The following DEFB131A variants were observed in gnomAD, a reference collection of about 807,000 sequenced individuals.
DEFB131A encodes defensin beta 131A.
Under a neutral mutation model 2.4 loss-of-function variants are expected in DEFB131A, and 5 were observed. The observed-to-expected ratio is 2.12, with a 90% confidence interval of 1.11 to 4.47. The LOEUF (loss-of-function observed/expected upper bound fraction) is 4.47, where lower values mean the gene tolerates loss of function less well. Ranked by LOEUF, DEFB131A falls within the 30% of genes most tolerant of loss-of-function variation. The probability of loss-of-function intolerance (pLI) is 0.00; values close to 1 mark genes in which losing one functional copy is unlikely to be tolerated. For missense variants in DEFB131A, 120 were observed against 79.9 expected (o/e 1.50, Z -1.91); for synonymous variants, 34 against 25.7 (o/e 1.32, Z -0.97).
At chr4:9,447,275 G>T (rs1459377539) in intron 1 of DEFB131A, among the ~76,000 whole-genome samples, 3 of 151,974 alleles carry the variant, frequency 2.0e-5, no homozygotes, top group African/African-American at 7.3e-5. Context: ...CCACTACTTG[G>T]TACATATATA....
intron 1 of DEFB131A, among the ~76,000 whole-genome samples, chr4:9,445,622 A>T (rs1164042198): frequency 2.0e-5 from 3 of 151,792 alleles, no homozygotes; most frequent in African/African-American, 7.2e-5. Context: ...ATGATTCAAG[A>T]TTCCCTTATT....
rs374108543 is a variant in DEFB131A at position 9,450,585 on chromosome 4, T to C, written c.*71T>C. 2.0e-6 allele frequency: 3 copies of C among 1,529,802 alleles called. No homozygotes were observed. The highest frequency in any genetic ancestry group is 2.4e-5 in the East Asian group (1 of 41,256). 94.8% of individuals were successfully genotyped at this position (1,529,802 alleles called of 1,614,324 possible). On this transcript the variant is annotated 3_prime_UTR_variant, in exon 2 of 2. Coordinates refer to ENST00000334879, the MANE Select transcript of DEFB131A (RefSeq NM_001040448.3). ...CTTAAACTCTCTTATCTATGAATAATTAACATGATAGATGAAAATTATTAT... is the reference window on the plus strand; with the variant it reads ...CTTAAACTCTCTTATCTATGAATAACTAACATGATAGATGAAAATTATTAT...
At position 9,450,403 on chromosome 4, in the gene DEFB131A, T is replaced by C. The variant is rs1451427359; in HGVS notation, c.102T>C (p.Tyr34=). Residue 34 remains tyrosine (Y), a synonymous_variant, in exon 2 of 2, where the codon TAT becomes TAC. Coordinates refer to ENST00000334879, the MANE Select transcript of DEFB131A (RefSeq NM_001040448.3). ...ISNDECPSEY[Y]HCRLKCNADE... ...ATGATGAATGTCCTTCAGAATATTATCATTGCAGACTGAAGTGCAATGCTG... is the reference window on the plus strand; with the variant it reads ...ATGATGAATGTCCTTCAGAATATTACCATTGCAGACTGAAGTGCAATGCTG... 2 of 1,602,710 alleles carry C rather than the reference T, an allele frequency of 1.2e-6. No homozygotes were observed. The highest frequency in any genetic ancestry group is 2.7e-5 in the African/African-American group (2 of 74,730).
At position 9,446,731 on chromosome 4, in the gene DEFB131A, A is replaced by T. The variant is rs1717513657; in HGVS notation, c.58+2140A>T. Among the ~76,000 whole-genome samples, 2 of 152,072 alleles carry T rather than the reference A, an allele frequency of 1.3e-5. 1 individual carries two copies. The highest frequency in any genetic ancestry group is 1.3e-4 in the Admixed American group (2 of 15,272). On this transcript the variant is annotated intron_variant, in intron 1 of 1. Transcript: ENST00000334879. ...TTGCAGTAGGCATTTATTGCTATAA[A>T]ATTCTCTCTTAGCACTGTCTTTGTT... is the stretch of plus-strand genomic sequence containing the variant.
chr4:9,447,298 A>G (rs1199015235), intron 1 of DEFB131A, among the ~76,000 whole-genome samples: 2 of 152,124 alleles, frequency 1.3e-5, no homozygotes, highest in Non-Finnish European at 1.5e-5. Context: ...CATATTTGGA[A>G]TTTTTATATC....
chr4:9,448,828 G>A (rs1473241190), intron 1 of DEFB131A, among the ~76,000 whole-genome samples: 1 of 152,058 alleles, frequency 6.6e-6, no homozygotes, highest in Non-Finnish European at 1.5e-5. Flanking sequence ...GATACTAAAA[G>A]TTCTAGCAAG....
Position 9,444,603 on chromosome 4 carries a change from AC to A in DEFB131A, c.58+13del. 3 of 1,604,270 alleles carry A rather than the reference AC, an allele frequency of 1.9e-6. No individual in the cohort carries two copies. Among genetic ancestry groups the A allele is most frequent in the Non-Finnish European group, 1.7e-6 (2 of 1,177,376 alleles). On this transcript the variant is annotated intron_variant, in intron 1 of 1. Coordinates refer to ENST00000334879, the MANE Select transcript of DEFB131A (RefSeq NM_001040448.3). ...CACAGTTCCTCCAGGTAAGACAGAA[AC>A]TTTTTTATTCCAAAGTTCTAAAAAT...
At chr4:9,445,325 CAT>C (rs1200612875) in intron 1 of DEFB131A, among the ~76,000 whole-genome samples, 1 of 151,948 alleles carries the variant, frequency 6.6e-6, no homozygotes, top group African/African-American at 2.4e-5. Flanking sequence ...GAATAAAACT[CAT>C]ATGATATCAT....
chr4:9,446,102 C>T lies in DEFB131A; in HGVS notation c.58+1511C>T, dbSNP rs139741229. ...GAATGAATTTTATAGTAAATTCTAT[C>T]TCAATAAAAATATAAAACACCAACA... On this transcript the variant is annotated intron_variant, in intron 1 of 1. Coordinates refer to ENST00000334879, the MANE Select transcript of DEFB131A (RefSeq NM_001040448.3). Among the ~76,000 whole-genome samples the T allele has an allele frequency of 0.013, 1,993 of 152,118 alleles. 177 individuals are homozygous for T. The East Asian group carries it at 0.26, about 20-fold the overall frequency.
chr4:9,445,984 G>A (rs1172702128), intron 1 of DEFB131A, among the ~76,000 whole-genome samples: 4 of 151,974 alleles, frequency 2.6e-5, no homozygotes, highest in East Asian at 3.9e-4. Context: ...CCATGTTGTG[G>A]CATAGATTCG....
rs765627022 is a variant in DEFB131A at position 9,444,512 on chromosome 4, A to T, written c.-22A>T. On this transcript the variant is annotated 5_prime_UTR_variant, in exon 1 of 2. An upstream open reading frame in the 5' UTR loses its in-frame stop. Transcript: ENST00000334879. Reference sequence around the variant, plus strand: ...TTCATCTCAGCTACTGATTCTCTCTAACCTGCTTTACCTATTCAACCATGA... The same window carrying T: ...TTCATCTCAGCTACTGATTCTCTCTTACCTGCTTTACCTATTCAACCATGA... The T allele has an allele frequency of 1.9e-6, 3 of 1,610,716 alleles. No homozygotes were observed. Among genetic ancestry groups the T allele is most frequent in the Middle Eastern group, 2.3e-4 (1 of 4,428 alleles).
At chr4:9,449,266 C>G (rs773171717) in intron 1 of DEFB131A, among the ~76,000 whole-genome samples, 2 of 140,508 alleles carry the variant, frequency 1.4e-5, no homozygotes, top group African/African-American at 5.3e-5. Context: ...CTATTCAAAG[C>G]AATTTATAGA....
At chr4:9,444,828 C>T (rs1275229765) in intron 1 of DEFB131A, among the ~76,000 whole-genome samples, 1 of 151,386 alleles carries the variant, frequency 6.6e-6, no homozygotes, top group Non-Finnish European at 1.5e-5. Flanking sequence ...ATAATCCCAG[C>T]ACTTGGGGAG....
rs1269329924 is a variant in DEFB131A, at chr4:9,450,270, A to G, written c.59-90A>G. On this transcript the variant is annotated intron_variant, in intron 1 of 1. Coordinates refer to ENST00000334879, the MANE Select transcript of DEFB131A (RefSeq NM_001040448.3). ...TTTGTTTTTCTGGGAAAGTTCTGTA[A>G]TGTTTTTAATTTATTATAAAACATT... 7 of 1,291,128 alleles carry G rather than the reference A, an allele frequency of 5.4e-6. No individual in the cohort carries two copies. In the East Asian group the frequency reaches 1.8e-4, roughly 33 times the overall value. The allele number at this position is 1,291,128 out of a possible 1,614,324, so 80.0% of individuals were successfully genotyped here.
At chr4:9,449,951 T>A (rs1019899807) in intron 1 of DEFB131A, among the ~76,000 whole-genome samples, 1 of 152,118 alleles carries the variant, frequency 6.6e-6, no homozygotes, top group East Asian at 1.9e-4. Context: ...TAATCTACCT[T>A]CTCTTCACTC....
chr4:9,449,948 C>T (rs1323442315), intron 1 of DEFB131A, among the ~76,000 whole-genome samples: 6 of 152,058 alleles, frequency 3.9e-5, no homozygotes, highest in East Asian at 1.9e-4. Flanking sequence ...CCATAATCTA[C>T]CTTCTCTTCA....
intron 1 of DEFB131A, among the ~76,000 whole-genome samples, chr4:9,449,746 T>C (rs573016587): frequency 1.4e-4 from 21 of 152,206 alleles, no homozygotes; most frequent in African/African-American, 5.1e-4. Context: ...CATATCTCAG[T>C]AACTTTCTCA....
chr4:9,444,729 T>C lies in DEFB131A; in HGVS notation c.58+138T>C, dbSNP rs1717447573. ...GAAGGCTGCTCAGAGGATTGAAGAG[T>C]TGATACTAAAGAAATAAATAAGGTG... is the stretch of plus-strand genomic sequence containing the variant. On this transcript the variant is annotated intron_variant, in intron 1 of 1. Transcript: ENST00000334879. The C allele has an allele frequency of 3.0e-5, 25 of 828,272 alleles. No individual in the cohort carries two copies. In the South Asian group the frequency reaches 4.4e-4, roughly 15 times the overall value. The allele number at this position is 828,272 out of a possible 1,614,324, so 51.3% of individuals were successfully genotyped here.
At chr4:9,449,263 A>G (rs971452193) in intron 1 of DEFB131A, among the ~76,000 whole-genome samples, 2 of 142,410 alleles carry the variant, frequency 1.4e-5, no homozygotes, top group African/African-American at 5.2e-5. Flanking sequence ...ATACTATTCA[A>G]AGCAATTTAT....
Sources: allele counts gnomAD v4.1 joint callset (sites outside exome capture counted in the v4.1 genomes callset), GRCh38; gene constraint gnomAD v4.1.1; transcripts MANE v1.5; gene names NCBI Gene and HGNC (gene_info 2026-07-23, HGNC 2026-07-21).